Variants in NBAS observed in about 807,000 individuals in gnomAD.
The protein encoded by NBAS is NAG/BC035112 fusion.
Under a neutral mutation model 302.5 loss-of-function variants are expected in NBAS, and 219 were observed. The ratio of observed to expected loss-of-function variants is 0.72; its 90% CI spans 0.65 to 0.81. The LOEUF (loss-of-function observed/expected upper bound fraction) is 0.81, where lower values mean the gene tolerates loss of function less well. Ranked by LOEUF, NBAS falls within the 30% of genes least tolerant of loss-of-function variation. NBAS has a pLI of 0.00. For missense variants in NBAS, 2,932 were observed against 2,841.6 expected (o/e 1.03, Z -0.72); for synonymous variants, 1,118 against 1,021.6 (o/e 1.09, Z -1.80).
At chr2:14,810,849 G>C in the NBAS span, among the ~76,000 whole-genome samples, 1 of 152,140 alleles carries the variant, frequency 6.6e-6, no homozygotes, top group Non-Finnish European at 1.5e-5. Flanking sequence ...CTGCAGATTA[G>C]AGTAAATGTG....
chr2:15,395,349 A>G (rs1250337896), intron 27 of NBAS, among the ~76,000 whole-genome samples: 1 of 152,118 alleles, frequency 6.6e-6, no homozygotes, highest in African/African-American at 2.4e-5. Context: ...ACTCAACCCA[A>G]CAAACCTTAG....
chr2:14,971,894 G>T, the NBAS span, among the ~76,000 whole-genome samples: 1 of 152,144 alleles, frequency 6.6e-6, no homozygotes, highest in Admixed American at 6.5e-5. Flanking sequence ...CAATGTCACT[G>T]CAACAAGCTG....
the NBAS span, among the ~76,000 whole-genome samples, chr2:14,953,908 T>C: frequency 6.6e-6 from 1 of 152,216 alleles, no homozygotes; most frequent in Admixed American, 6.5e-5. Flanking sequence ...GAAAGGGATG[T>C]GGTGCTCTGG....
intron 9 of NBAS, among the ~76,000 whole-genome samples, chr2:15,533,693 TG>T (rs1340014223): frequency 5.9e-4 from 21 of 35,338 alleles, no homozygotes; most frequent in East Asian, 5.8e-3. Flanking sequence ...TGTGTGTGTG[TG>T]TGTGTGTGTG....
intron 12 of NBAS, among the ~76,000 whole-genome samples, chr2:15,481,106 C>CA (rs1250017221): frequency 6.6e-6 from 1 of 152,204 alleles, no homozygotes; most frequent in Non-Finnish European, 1.5e-5. Flanking sequence ...GCATCTTTCA[C>CA]TTAGTATAAT....
At chr2:14,781,211 C>T in the NBAS span, among the ~76,000 whole-genome samples, 1 of 152,338 alleles carries the variant, frequency 6.6e-6, no homozygotes, top group South Asian at 2.1e-4. Context: ...AGATTTCCAT[C>T]TCTCATTTGA....
At chr2:15,022,110 C>T in the NBAS span, among the ~76,000 whole-genome samples, 1 of 152,126 alleles carries the variant, frequency 6.6e-6, no homozygotes, top group Non-Finnish European at 1.5e-5. Flanking sequence ...GTGTCAACAG[C>T]TAAGAGTCTG....
chr2:14,999,761 A>G, the NBAS span, among the ~76,000 whole-genome samples: 2 of 152,306 alleles, frequency 1.3e-5, no homozygotes, highest in South Asian at 4.1e-4. Context: ...CTAATACATT[A>G]TCTATTAATT....
At chr2:15,324,966 C>CCT (rs879599254) in intron 38 of NBAS, among the ~76,000 whole-genome samples, 15 of 152,238 alleles carry the variant, frequency 9.9e-5, no homozygotes, top group Admixed American at 3.3e-4. Flanking sequence ...GAAATATGCA[C>CCT]CTCTCAAGGG....
At chr2:14,828,287 G>A in the NBAS span, among the ~76,000 whole-genome samples, 1 of 152,186 alleles carries the variant, frequency 6.6e-6, no homozygotes, top group South Asian at 2.1e-4. Context: ...GCTGATGGAG[G>A]CTACTTGGGT....
chr2:14,850,021 T>A, the NBAS span, among the ~76,000 whole-genome samples: 1 of 138,872 alleles, frequency 7.2e-6, no homozygotes, highest in South Asian at 2.1e-4. Flanking sequence ...CTGCATCAAC[T>A]AACGAGCAAA....
the NBAS span, among the ~76,000 whole-genome samples, chr2:15,024,447 T>G: frequency 3.4e-3 from 522 of 152,290 alleles, 9 homozygotes; most frequent in African/African-American, 0.011. Flanking sequence ...TGTGTCTTTA[T>G]GGTAGAATAA....
At chr2:14,994,497 A>T in the NBAS span, among the ~76,000 whole-genome samples, 1 of 151,988 alleles carries the variant, frequency 6.6e-6, no homozygotes, top group Non-Finnish European at 1.5e-5. Context: ...ATAATAACGG[A>T]CCCTAGGATA....
the NBAS span, among the ~76,000 whole-genome samples, chr2:15,056,770 C>A: frequency 6.6e-6 from 1 of 151,528 alleles, no homozygotes; most frequent in Non-Finnish European, 1.5e-5. Context: ...GCAGGTTAGA[C>A]ATCACACTAT....
rs888812756 is a variant in NBAS at position 15,515,085 on chromosome 2, C to T, written c.747-3735G>A. Among the ~76,000 whole-genome samples, 18 of 152,264 alleles carry T rather than the reference C, an allele frequency of 1.2e-4. 1 individual carries two copies. Among genetic ancestry groups the T allele is most frequent in the Admixed American group, 1.2e-3 (18 of 15,280 alleles). On this transcript the variant is annotated intron_variant, in intron 9 of 51. Coordinates refer to ENST00000281513, the MANE Select transcript of NBAS (RefSeq NM_015909.4). ...TTCACACATCCAAGTAGGCACGGGT[C>T]CTCAGGTATGTTTAAAGGGGAAGAA... is the stretch of plus-strand genomic sequence containing the variant.
the NBAS span, among the ~76,000 whole-genome samples, chr2:14,851,332 G>A: frequency 8.6e-5 from 13 of 151,742 alleles, no homozygotes; most frequent in African/African-American, 2.9e-4. Context: ...AAATCTAGAA[G>A]AAATGGATAC....
chr2:15,102,026 C>T, the NBAS span, among the ~76,000 whole-genome samples: 82,221 of 152,072 alleles, frequency 0.54, 23,790 homozygotes, highest in Admixed American at 0.68. Flanking sequence ...CAAATGTCCT[C>T]TCCACAATGC....
the NBAS span, among the ~76,000 whole-genome samples, chr2:14,980,920 T>A: frequency 1.1e-4 from 17 of 152,292 alleles, no homozygotes; most frequent in African/African-American, 3.8e-4. Context: ...CATATTTTGA[T>A]GCAGTAGAAC....
At chr2:15,269,358 G>T (rs945962934) in intron 44 of NBAS, among the ~76,000 whole-genome samples, 1 of 152,092 alleles carries the variant, frequency 6.6e-6, no homozygotes, top group African/African-American at 2.4e-5. Flanking sequence ...TTATTTTATT[G>T]ATTGATTGAT....
Sources: allele counts gnomAD v4.1 joint callset (sites outside exome capture counted in the v4.1 genomes callset), GRCh38; gene constraint gnomAD v4.1.1; transcripts MANE v1.5; gene names NCBI Gene and HGNC (gene_info 2026-07-23, HGNC 2026-07-21).